CDKAL1: variants seen among roughly 807,000 people sequenced by gnomAD.
CDKAL1 encodes the protein threonylcarbamoyladenosine tRNA methylthiotransferase.
CDKAL1 carries 32 observed loss-of-function variants against 68.2 expected under a neutral mutation model. That is an observed-to-expected ratio of 0.47 (90% CI 0.35 to 0.63). The LOEUF (loss-of-function observed/expected upper bound fraction) is 0.63, where lower values mean the gene tolerates loss of function less well. Among genes scored for constraint, CDKAL1 ranks in the 30% least tolerant of loss-of-function variants. CDKAL1 has a pLI of 0.00. For synonymous variants in CDKAL1, 234 were observed against 244.3 expected (o/e 0.96, Z 0.39); for missense variants, 606 against 696.7 (o/e 0.87, Z 1.47).
At chr6:20,944,228 C>T (rs1159247147) in intron 9 of CDKAL1, among the ~76,000 whole-genome samples, 2 of 152,230 alleles carry the variant, frequency 1.3e-5, no homozygotes, top group African/African-American at 2.4e-5. Context: ...CACATTCCTT[C>T]ACTGTGTTGT....
At chr6:20,926,027 T>C (rs1763168723) in intron 9 of CDKAL1, among the ~76,000 whole-genome samples, 1 of 152,136 alleles carries the variant, frequency 6.6e-6, no homozygotes, top group African/African-American at 2.4e-5. Context: ...AACCTGAGGA[T>C]GGTTTTCTGA....
At chr6:21,162,674 T>G (rs1365352518) in intron 13 of CDKAL1, among the ~76,000 whole-genome samples, 1 of 152,176 alleles carries the variant, frequency 6.6e-6, no homozygotes, top group East Asian at 1.9e-4. Flanking sequence ...CCTGTAATCC[T>G]AGCTACTCAG....
At chr6:21,022,805 C>CTAT (rs1467841932) in intron 11 of CDKAL1, among the ~76,000 whole-genome samples, 2 of 152,272 alleles carry the variant, frequency 1.3e-5, no homozygotes, top group East Asian at 1.9e-4. Flanking sequence ...TGTGTACTTT[C>CTAT]TATTCATTTC....
At chr6:21,033,955 G>A (rs1769433338) in intron 11 of CDKAL1, among the ~76,000 whole-genome samples, 1 of 150,626 alleles carries the variant, frequency 6.6e-6, no homozygotes, top group Admixed American at 6.7e-5. Flanking sequence ...GGGTTTACCA[G>A]GAAGCTAATA....
rs767923666 is a variant in CDKAL1 at position 20,705,874 on chromosome 6, T to C, written c.372-33645T>C. Reference sequence around the variant, plus strand: ...TAGGATTACTCTTCTGTTTGCTACCTGTGTCACTTGTCCTGTGTGGTGGGT... The same window carrying C: ...TAGGATTACTCTTCTGTTTGCTACCCGTGTCACTTGTCCTGTGTGGTGGGT... On this transcript the variant is annotated intron_variant, in intron 5 of 15. Coordinates refer to ENST00000274695, the MANE Select transcript of CDKAL1 (RefSeq NM_017774.3). Among the ~76,000 whole-genome samples, 118 of 152,236 alleles carry C rather than the reference T, an allele frequency of 7.8e-4. 1 individual carries two copies. Among genetic ancestry groups the C allele is most frequent in the Non-Finnish European group, 1.6e-4 (11 of 68,040 alleles).
intron 4 of CDKAL1, among the ~76,000 whole-genome samples, chr6:20,624,127 T>C (rs714831): frequency 0.49 from 74,147 of 151,774 alleles, 18,268 homozygotes; most frequent in East Asian, 0.64. Flanking sequence ...GAGTTTACTA[T>C]TTAATTCAAG....
intron 13 of CDKAL1, among the ~76,000 whole-genome samples, chr6:21,163,467 C>A (rs1032363921): frequency 3.3e-5 from 5 of 152,150 alleles, no homozygotes; most frequent in African/African-American, 4.8e-5. Flanking sequence ...TTTCAAGTCA[C>A]CATCTTTTTC....
At position 20,735,931 on chromosome 6, in the gene CDKAL1, C is replaced by T. The variant is rs189829757; in HGVS notation, c.372-3588C>T. The stretch of plus-strand genomic sequence containing the variant: ...AATGTTTTATATTCAATTGGATTCT[C>T]TCACACTTTGACACTGCTGCATCCG... On this transcript the variant is annotated intron_variant, in intron 5 of 15. Transcript: ENST00000274695. Among the ~76,000 whole-genome samples the T allele has an allele frequency of 5.1e-4, 78 of 152,310 alleles. No individual in the cohort carries two copies. In the Middle Eastern group the frequency reaches 0.01, roughly 20 times the overall value.
At chr6:21,090,396 T>G (rs947210585) in intron 12 of CDKAL1, among the ~76,000 whole-genome samples, 5 of 152,298 alleles carry the variant, frequency 3.3e-5, no homozygotes, top group African/African-American at 1.2e-4. Context: ...TTCAACACAT[T>G]TGATTGCTTT....
intron 13 of CDKAL1, among the ~76,000 whole-genome samples, chr6:21,138,814 C>T (rs890478920): frequency 2.6e-5 from 4 of 152,172 alleles, no homozygotes; most frequent in Non-Finnish European, 4.4e-5. Flanking sequence ...CAGTCAGGCC[C>T]ATCTGTATAC....
At chr6:21,061,121 C>G (rs1335945871) in intron 11 of CDKAL1, among the ~76,000 whole-genome samples, 10 of 152,074 alleles carry the variant, frequency 6.6e-5, no homozygotes, top group Non-Finnish European at 1.3e-4. Context: ...TTATGGCTTT[C>G]TTAAATTACA....
chr6:20,817,469 TTAAA>T (rs895539001), intron 8 of CDKAL1, among the ~76,000 whole-genome samples: 4 of 152,184 alleles, frequency 2.6e-5, no homozygotes, highest in Non-Finnish European at 5.9e-5. Flanking sequence ...TTTTTTCTAA[TTAAA>T]TAATTTTATT....
intron 13 of CDKAL1, among the ~76,000 whole-genome samples, chr6:21,121,558 T>C (rs983298137): frequency 4.6e-5 from 7 of 152,238 alleles, no homozygotes; most frequent in Non-Finnish European, 2.9e-5. Context: ...TAGAAGTTTG[T>C]CATAGGGATT....
At chr6:20,906,756 A>C (rs1001097077) in intron 9 of CDKAL1, among the ~76,000 whole-genome samples, 4 of 152,238 alleles carry the variant, frequency 2.6e-5, no homozygotes, top group Admixed American at 1.3e-4. Context: ...AAAAGAAGGC[A>C]GTAATATGGA....
chr6:20,654,298 G>GTT (rs199885782), intron 5 of CDKAL1, among the ~76,000 whole-genome samples: 12 of 146,222 alleles, frequency 8.2e-5, no homozygotes, highest in African/African-American at 2.7e-4. Context: ...CTATTTTTCT[G>GTT]GTTTTTTTTT....
At chr6:21,226,286 T>A (rs1254430039) in intron 15 of CDKAL1, among the ~76,000 whole-genome samples, 2 of 26,704 alleles carry the variant, frequency 7.5e-5, no homozygotes, top group Non-Finnish European at 1.3e-4. Context: ...ACATGAAAGT[T>A]TTTTTTTTTT....
intron 4 of CDKAL1, among the ~76,000 whole-genome samples, chr6:20,565,894 GT>G (rs1409686070): frequency 6.6e-6 from 1 of 152,068 alleles, no homozygotes; most frequent in Non-Finnish European, 1.5e-5. Flanking sequence ...AATTCTGTGG[GT>G]TTGGTAAATA....
intron 11 of CDKAL1, among the ~76,000 whole-genome samples, chr6:21,041,418 AT>A (rs1357354874): frequency 2.0e-5 from 3 of 152,202 alleles, no homozygotes; most frequent in African/African-American, 7.2e-5. Context: ...TATTGGAAAT[AT>A]GCACACCATC....
chr6:20,911,039 C>G (rs1456192840), intron 9 of CDKAL1, among the ~76,000 whole-genome samples: 1 of 152,218 alleles, frequency 6.6e-6, no homozygotes, highest in East Asian at 1.9e-4. Flanking sequence ...GTTAAAGCCA[C>G]CCTGTTCGTA....
Sources: allele counts gnomAD v4.1 joint callset (sites outside exome capture counted in the v4.1 genomes callset), GRCh38; gene constraint gnomAD v4.1.1; transcripts MANE v1.5; gene names NCBI Gene and HGNC (gene_info 2026-07-23, HGNC 2026-07-21).